Variants in CSE1L observed in about 807,000 individuals in gnomAD.
The protein encoded by CSE1L is exportin-2.
Under a neutral mutation model 120.4 loss-of-function variants are expected in CSE1L, and 24 were observed. That is an observed-to-expected ratio of 0.20 (90% confidence interval 0.14 to 0.28). The LOEUF is 0.28. Ranked by LOEUF, CSE1L falls within the 10% of genes least tolerant of loss-of-function variation. CSE1L has a pLI of 1.00. For missense variants in CSE1L, 830 were observed against 1,145.2 expected (o/e 0.72, Z 3.97); for synonymous variants, 402 against 398.3 (o/e 1.01, Z -0.11).
chr20:49,059,443 C>T (rs375293850), intron 2 of CSE1L, among the ~76,000 whole-genome samples: 7 of 152,134 alleles, frequency 4.6e-5, no homozygotes, highest in Middle Eastern at 3.4e-3. Context: ...AATACATGCC[C>T]TGATTAAGTG....
rs921308340 is a variant in CSE1L at position 49,068,978 on chromosome 20, G to C, written c.675+156G>C. On this transcript the variant is annotated intron_variant, in intron 7 of 24. Transcript: ENST00000262982. ...ATCTATAGTGTTCTGTTCTACAGTA[G>C]TTCTTTCAGATGCTAATGAGATGTT... 2.6e-5 allele frequency among the ~76,000 whole-genome samples: 4 copies of C among 152,028 alleles called. No individual in the cohort carries two copies. The East Asian group carries it at 7.7e-4, about 29-fold the overall frequency.
chr20:49,088,356 A>AG (rs2092075798), intron 17 of CSE1L, among the ~76,000 whole-genome samples: 1 of 152,248 alleles, frequency 6.6e-6, no homozygotes, highest in Non-Finnish European at 1.5e-5. Context: ...TGTTTATTGT[A>AG]GAAAAAGAAA....
At chr20:49,095,873 T>A (rs2092135748) in intron 24 of CSE1L, among the ~76,000 whole-genome samples, 1 of 152,082 alleles carries the variant, frequency 6.6e-6, no homozygotes, top group Non-Finnish European at 1.5e-5. Flanking sequence ...AAAAAACATA[T>A]ATGTGTGTGG....
In CSE1L at chr20:49,085,562, A is replaced by ATTTTTTTTTTTTTTTTTTTTTTT. The variant is rs11471947; in HGVS notation, c.1723+181_1723+203dup. 3.7e-5 allele frequency among the ~76,000 whole-genome samples: 3 copies of ATTTTTTTTTTTTTTTTTTTTTTT among 80,202 alleles called. 1 individual carries two copies. The highest frequency in any genetic ancestry group is 7.3e-5 in the Non-Finnish European group (3 of 41,266). 52.6% of individuals were successfully genotyped at this position (80,202 alleles called of 152,430 possible). On this transcript the variant is annotated intron_variant, in intron 16 of 24. Transcript: ENST00000262982. The stretch of plus-strand genomic sequence containing the variant: ...ATTATCTTGTTTACTACTAACAATA[A>ATTTTTTTTTTTTTTTTTTTTTTT]TTTTTTTTTTTTTTTTTTTTTTTTT...
intron 1 of CSE1L, among the ~76,000 whole-genome samples, chr20:49,053,147 CTTTTT>C (rs71184250): frequency 1.6e-5 from 2 of 122,710 alleles, no homozygotes; most frequent in Non-Finnish European, 3.4e-5. Flanking sequence ...CCCTGTCTCT[CTTTTT>C]TTTTTTTTTT....
chr20:49,058,907 G>A (rs1468634574), intron 2 of CSE1L, among the ~76,000 whole-genome samples: 6 of 151,864 alleles, frequency 4.0e-5, no homozygotes, highest in Non-Finnish European at 5.9e-5. Flanking sequence ...TGAGGCAGGC[G>A]GATCACGAGG....
chr20:49,055,933 G>A (rs980264669), intron 1 of CSE1L, among the ~76,000 whole-genome samples: 4 of 151,072 alleles, frequency 2.6e-5, no homozygotes, highest in African/African-American at 9.7e-5. Flanking sequence ...TTTTTCCACT[G>A]ACCTTTTTTA....
intron 2 of CSE1L, among the ~76,000 whole-genome samples, chr20:49,062,394 CA>C (rs2123681271): frequency 6.6e-6 from 1 of 152,010 alleles, no homozygotes; most frequent in Non-Finnish European, 1.5e-5. Flanking sequence ...CCTATGAAGC[CA>C]AAGGTAGAAA....
In CSE1L at chr20:49,077,083, G is replaced by A; in HGVS notation, c.1420+19G>A. ...GCTAATGGTGAGTTGTGAAATTCTT[G>A]CTTTTTTTACAGCTTGCCACACTAT... On this transcript the variant is annotated intron_variant, in intron 13 of 24. Coordinates refer to ENST00000262982, the MANE Select transcript of CSE1L (RefSeq NM_001316.4). 6.5e-7 allele frequency: 1 copy of A among 1,539,026 alleles called. No individual in the cohort carries two copies. The highest frequency in any genetic ancestry group is 1.2e-5 in the South Asian group (1 of 84,270).
chr20:49,078,062 T>C (rs1203979606), intron 13 of CSE1L, among the ~76,000 whole-genome samples: 1 of 152,226 alleles, frequency 6.6e-6, no homozygotes, highest in Non-Finnish European at 1.5e-5. Flanking sequence ...TAGATCCAGA[T>C]ATATTCCTTT....
intron 1 of CSE1L, among the ~76,000 whole-genome samples, chr20:49,050,187 TTTTA>T (rs2091755047): frequency 6.6e-6 from 1 of 150,818 alleles, no homozygotes; most frequent in South Asian, 2.1e-4. Flanking sequence ...TATTATGTGG[TTTTA>T]TTTATTTATT....
intron 6 of CSE1L, 109 bp downstream of exon 6, chr20:49,067,389 A>G: frequency 1.5e-6 from 1 of 689,312 alleles, no homozygotes; most frequent in Non-Finnish European, 2.3e-6. Context: ...GATAATGTTT[A>G]GAGCATTTCT....
chr20:49,094,317 T>C lies in CSE1L; in HGVS notation c.2594+31T>C, dbSNP rs371416311. ...TACTTCATTTTAATATTTTTGTAAG[T>C]TACAGCTTCCTTCCCATATGACTGC... On this transcript the variant is annotated intron_variant, in intron 23 of 24. Transcript: ENST00000262982. 1.9e-6 allele frequency: 3 copies of C among 1,597,026 alleles called. No homozygotes were observed. In the African/African-American group the frequency reaches 4.1e-5, roughly 22 times the overall value.
intron 8 of CSE1L, 96 bp from the exon 9 acceptor site, chr20:49,072,186 TTTAA>T (rs1331677711): frequency 8.0e-7 from 1 of 1,255,278 alleles, no homozygotes; most frequent in African/African-American, 1.5e-5. Context: ...TTGATTTGGA[TTTAA>T]TTGATAAAGA....
At chr20:49,069,278 G>A (rs6019624) in intron 7 of CSE1L, among the ~76,000 whole-genome samples, 54,886 of 152,022 alleles carry the variant, frequency 0.36, 10,733 homozygotes, top group African/African-American at 0.53. Context: ...GAAAGGGGTA[G>A]GAACTAGTAG....
intron 1 of CSE1L, among the ~76,000 whole-genome samples, chr20:49,050,600 G>C (rs570997818): frequency 4.0e-5 from 6 of 150,762 alleles, no homozygotes; most frequent in African/African-American, 1.5e-4. Flanking sequence ...TAGTAGAGAC[G>C]GGGTTTCATC....
At chr20:49,059,825 A>G (rs2091837940) in intron 2 of CSE1L, among the ~76,000 whole-genome samples, 1 of 151,960 alleles carries the variant, frequency 6.6e-6, no homozygotes, top group Non-Finnish European at 1.5e-5. Context: ...GGTTGCAGTG[A>G]GTTGAGATTG....
intron 2 of CSE1L, among the ~76,000 whole-genome samples, chr20:49,059,862 A>G (rs1019745759): frequency 2.0e-5 from 3 of 151,962 alleles, no homozygotes; most frequent in Non-Finnish European, 4.4e-5. Flanking sequence ...CCTGGGTGAC[A>G]GAGCGAGACG....
At chr20:49,058,901 G>A (rs2091829639) in intron 2 of CSE1L, among the ~76,000 whole-genome samples, 1 of 152,124 alleles carries the variant, frequency 6.6e-6, no homozygotes, top group Admixed American at 6.6e-5. Flanking sequence ...GGAGGCTGAG[G>A]CAGGCGGATC....
Sources: allele counts gnomAD v4.1 joint callset (sites outside exome capture counted in the v4.1 genomes callset), GRCh38; gene constraint gnomAD v4.1.1; transcripts MANE v1.5; gene names NCBI Gene and HGNC (gene_info 2026-07-23, HGNC 2026-07-21).